The following KCNJ3 variants were observed in gnomAD, a reference collection of about 807,000 sequenced individuals.
KCNJ3 encodes potassium inwardly rectifying channel subfamily J member 3, also known as G protein-activated inward rectifier potassium channel 1.
A neutral mutation model predicts 39.2 loss-of-function variants in KCNJ3; 4 were observed. The observed-to-expected ratio is 0.10, with a 90% confidence interval of 0.05 to 0.23. KCNJ3 has a LOEUF of 0.23. Ranked by LOEUF, KCNJ3 falls within the 10% of genes least tolerant of loss-of-function variation. The probability of loss-of-function intolerance (pLI) is 1.00; values close to 1 mark genes in which losing one functional copy is unlikely to be tolerated. For synonymous variants in KCNJ3, 230 were observed against 237.4 expected (o/e 0.97, Z 0.29); for missense variants, 276 against 634.9 (o/e 0.43, Z 6.08).
chr2:154,769,921 T>C (rs996849221), intron 2 of KCNJ3, among the ~76,000 whole-genome samples: 2 of 152,178 alleles, frequency 1.3e-5, no homozygotes, highest in African/African-American at 4.8e-5. Context: ...TTTTGCTTAT[T>C]GGTATCATTC....
At chr2:154,836,200 A>G (rs1317040484) in intron 2 of KCNJ3, among the ~76,000 whole-genome samples, 1 of 145,018 alleles carries the variant, frequency 6.9e-6, no homozygotes, top group African/African-American at 2.5e-5. Context: ...ACAGAGCAAG[A>G]CTGTCTCAAA....
chr2:154,778,869 G>A (rs1372873296), intron 2 of KCNJ3, among the ~76,000 whole-genome samples: 1 of 151,998 alleles, frequency 6.6e-6, no homozygotes, highest in Non-Finnish European at 1.5e-5. Flanking sequence ...AGAGTTTAGG[G>A]CATCAGCTTA....
chr2:154,784,114 C>A (rs6719455), intron 2 of KCNJ3, among the ~76,000 whole-genome samples: 53,690 of 151,930 alleles, frequency 0.35, 9,867 homozygotes, highest in Middle Eastern at 0.38. Context: ...ACAATTGTAA[C>A]AAGCATAAGT....
At chr2:154,745,927 G>A (rs1323955951) in intron 2 of KCNJ3, among the ~76,000 whole-genome samples, 2 of 151,770 alleles carry the variant, frequency 1.3e-5, no homozygotes, top group Non-Finnish European at 2.9e-5. Context: ...TGCTAGGCAG[G>A]GGTTGAGTAC....
chr2:154,698,697 C>A lies in KCNJ3; in HGVS notation c.-79C>A. 1 of 703,350 alleles carries A rather than the reference C, an allele frequency of 1.4e-6. No homozygotes were observed. The allele number at this position is 703,350 out of a possible 1,614,324, so 43.6% of individuals were successfully genotyped here. On this transcript the variant is annotated 5_prime_UTR_variant, in exon 1 of 3. Transcript: ENST00000295101. The stretch of plus-strand genomic sequence containing the variant: ...GCCCCCTTTCCTCCCCCGCCCCCAC[C>A]TCCTTATTGGTGCTAGTTTGCAGCG...
At chr2:154,736,155 A>C (rs1312381928) in intron 2 of KCNJ3, among the ~76,000 whole-genome samples, 1 of 151,866 alleles carries the variant, frequency 6.6e-6, no homozygotes, top group Non-Finnish European at 1.5e-5. Flanking sequence ...CTCTCTTGTC[A>C]TTGTAAATTA....
intron 2 of KCNJ3, among the ~76,000 whole-genome samples, chr2:154,724,470 T>C (rs534667433): frequency 7.9e-5 from 12 of 152,114 alleles, no homozygotes; most frequent in Non-Finnish European, 1.8e-4. Context: ...AAATCAACTT[T>C]TCGTACAGCT....
chr2:154,853,727 A>G (rs539611941), intron 2 of KCNJ3, among the ~76,000 whole-genome samples: 1 of 152,306 alleles, frequency 6.6e-6, no homozygotes, highest in East Asian at 1.9e-4. Context: ...AGTCTTCACA[A>G]AATGAATATT....
intron 2 of KCNJ3, among the ~76,000 whole-genome samples, chr2:154,776,931 A>G (rs962952852): frequency 3.3e-5 from 5 of 152,124 alleles, no homozygotes; most frequent in African/African-American, 7.2e-5. Context: ...CTAGTGTTCT[A>G]TTTTAAAATG....
chr2:154,766,501 A>G (rs1686138661), intron 2 of KCNJ3, among the ~76,000 whole-genome samples: 1 of 151,900 alleles, frequency 6.6e-6, no homozygotes, highest in Non-Finnish European at 1.5e-5. Flanking sequence ...GATAAAAGAA[A>G]TTTTAATAAA....
In KCNJ3 at chr2:154,838,946, ATG is replaced by A. The variant is rs575625670; in HGVS notation, c.920-15779_920-15778del. 9.0e-3 allele frequency among the ~76,000 whole-genome samples: 1,376 copies of A among 152,128 alleles called. 11 individuals are homozygous for A. Among genetic ancestry groups the A allele is most frequent in the African/African-American group, 0.032 (1,315 of 41,526 alleles). On this transcript the variant is annotated intron_variant, in intron 2 of 2. Transcript: ENST00000295101. ...TTTTTTAAGCTAGAAATTTTTATGT[ATG>A]TATTTATTTTTATTATACTTTAAGT...
intron 2 of KCNJ3, among the ~76,000 whole-genome samples, chr2:154,811,606 C>T (rs1687009164): frequency 6.6e-6 from 1 of 152,058 alleles, no homozygotes; most frequent in Admixed American, 6.6e-5. Context: ...CTATCACTTT[C>T]TTAGAGGGGG....
intron 2 of KCNJ3, among the ~76,000 whole-genome samples, chr2:154,834,344 G>A (rs1687413161): frequency 6.6e-6 from 1 of 152,102 alleles, no homozygotes; most frequent in African/African-American, 2.4e-5. Context: ...CTTCTTTGAT[G>A]AAGTCTCTGT....
At chr2:154,719,037 C>A (rs1685224785) in intron 2 of KCNJ3, among the ~76,000 whole-genome samples, 1 of 152,126 alleles carries the variant, frequency 6.6e-6, no homozygotes, top group African/African-American at 2.4e-5. Flanking sequence ...TACACTAATT[C>A]ATTTCCAGAG....
At chr2:154,778,692 A>G (rs1053641768) in intron 2 of KCNJ3, among the ~76,000 whole-genome samples, 1 of 152,172 alleles carries the variant, frequency 6.6e-6, no homozygotes, top group Non-Finnish European at 1.5e-5. Context: ...GTATTTAATA[A>G]TCATTATACA....
chr2:154,798,187 C>CGT (rs1686753237), intron 2 of KCNJ3, among the ~76,000 whole-genome samples: 1 of 118,826 alleles, frequency 8.4e-6, no homozygotes, highest in African/African-American at 3.1e-5. Flanking sequence ...ATTCGAACAC[C>CGT]GCACACACAC....
In KCNJ3 at chr2:154,836,207, CAAAAAAAAAAACAA is replaced by C. The variant is rs1308347627; in HGVS notation, c.920-18512_920-18499del. Among the ~76,000 whole-genome samples, 11 of 74,956 alleles carry C rather than the reference CAAAAAAAAAAACAA, an allele frequency of 1.5e-4. 1 individual carries two copies. Among genetic ancestry groups the C allele is most frequent in the African/African-American group, 6.4e-4 (11 of 17,284 alleles). The allele number at this position is 74,956 out of a possible 152,430, so 49.2% of individuals were successfully genotyped here. ...CCTAGGTGACAGAGCAAGACTGTCT[CAAAAAAAAAAACAA>C]AAAAAAACAAAAAAAAAAACAAAAA... On this transcript the variant is annotated intron_variant, in intron 2 of 2. Coordinates refer to ENST00000295101, the MANE Select transcript of KCNJ3 (RefSeq NM_002239.4).
At chr2:154,809,187 G>A (rs1233398984) in intron 2 of KCNJ3, among the ~76,000 whole-genome samples, 1 of 152,108 alleles carries the variant, frequency 6.6e-6, no homozygotes, top group Non-Finnish European at 1.5e-5. Flanking sequence ...CCAGCAATGA[G>A]CACCTTACTG....
At chr2:154,734,787 TAG>T (rs1022293657) in intron 2 of KCNJ3, among the ~76,000 whole-genome samples, 96 of 152,264 alleles carry the variant, frequency 6.3e-4, no homozygotes, top group African/African-American at 2.3e-3. Context: ...TTTGATTTTA[TAG>T]AGTTTTGAAC....
Sources: allele counts gnomAD v4.1 joint callset (sites outside exome capture counted in the v4.1 genomes callset), GRCh38; gene constraint gnomAD v4.1.1; transcripts MANE v1.5; gene names NCBI Gene and HGNC (gene_info 2026-07-23, HGNC 2026-07-21).